Variants in DOCK3 observed in about 807,000 individuals in gnomAD.
The protein encoded by DOCK3 is dedicator of cytokinesis protein 3.
Under a neutral mutation model 265.6 loss-of-function variants are expected in DOCK3, and 60 were observed. The ratio of observed to expected loss-of-function variants is 0.23; its 90% CI spans 0.18 to 0.28. The LOEUF (loss-of-function observed/expected upper bound fraction) is 0.28, where lower values mean the gene tolerates loss of function less well. DOCK3 is among the 10% of genes least tolerant of loss of function. DOCK3 has a pLI of 1.00. For missense variants in DOCK3, 1,981 were observed against 2,594.3 expected, an observed-to-expected ratio of 0.76 and a Z score of 5.14; for synonymous variants, 881 against 938.0, an observed-to-expected ratio of 0.94 and a Z score of 1.11.
chr3:50,846,902 T>C (rs534414246), intron 3 of DOCK3, among the ~76,000 whole-genome samples: 4 of 152,300 alleles, frequency 2.6e-5, no homozygotes, highest in Admixed American at 2.6e-4. Flanking sequence ...TTGGATCTTT[T>C]CTCTTTTTTC....
intron 5 of DOCK3, among the ~76,000 whole-genome samples, chr3:51,016,138 T>C (rs1575770751): frequency 5.5e-5 from 1 of 18,200 alleles, no homozygotes; most frequent in South Asian, 2.8e-3. Context: ...TATCATATAT[T>C]TCTACATATG....
intron 12 of DOCK3, among the ~76,000 whole-genome samples, chr3:51,205,455 G>A (rs2089138232): frequency 6.6e-6 from 1 of 151,888 alleles, no homozygotes; most frequent in Non-Finnish European, 1.5e-5. Context: ...AGCACTTTGA[G>A]GGCTAAGGCG....
intron 12 of DOCK3, among the ~76,000 whole-genome samples, chr3:51,197,990 C>G (rs192650884): frequency 6.6e-6 from 1 of 152,224 alleles, no homozygotes; most frequent in Non-Finnish European, 1.5e-5. Flanking sequence ...TCAGCACCAA[C>G]AGCTTCACCC....
chr3:51,311,922 A>T, intron 28 of DOCK3, 82 bp from the exon 29 acceptor site: 1 of 980,108 alleles, frequency 1.0e-6, no homozygotes, highest in Non-Finnish European at 1.5e-6. Context: ...GTTTGCACAC[A>T]GGCTATAGAC....
At chr3:50,786,401 T>C (rs920081338) in intron 2 of DOCK3, among the ~76,000 whole-genome samples, 2 of 152,240 alleles carry the variant, frequency 1.3e-5, no homozygotes, top group African/African-American at 4.8e-5. Context: ...GGTCGTCTTC[T>C]TGTTTATTTC....
intron 7 of DOCK3, among the ~76,000 whole-genome samples, chr3:51,080,538 G>T (rs1246618659): frequency 2.0e-5 from 3 of 152,166 alleles, no homozygotes; most frequent in Admixed American, 1.3e-4. Flanking sequence ...CCCTGAAAGA[G>T]GTTCCAGAAT....
chr3:50,834,283 C>T (rs1349372704), intron 2 of DOCK3, among the ~76,000 whole-genome samples: 1 of 151,874 alleles, frequency 6.6e-6, no homozygotes, highest in African/African-American at 2.4e-5. Context: ...AGGATCTAAA[C>T]AAGAAAACAA....
intron 2 of DOCK3, among the ~76,000 whole-genome samples, chr3:50,819,928 C>G (rs1236633162): frequency 6.6e-6 from 1 of 152,176 alleles, no homozygotes; most frequent in Non-Finnish European, 1.5e-5. Context: ...CATCACTGCA[C>G]TCTAACTTGG....
At chr3:51,329,295 A>C (rs970250489) in intron 32 of DOCK3, among the ~76,000 whole-genome samples, 1 of 152,152 alleles carries the variant, frequency 6.6e-6, no homozygotes, top group African/African-American at 2.4e-5. Context: ...TCTGAGGCCT[A>C]ATACCTAGGT....
intron 14 of DOCK3, among the ~76,000 whole-genome samples, chr3:51,218,437 C>T (rs989001339): frequency 3.3e-5 from 5 of 152,174 alleles, no homozygotes; most frequent in South Asian, 2.1e-4. Context: ...TGTCTCAAAA[C>T]CAAAACCAAA....
At chr3:50,927,580 A>G (rs2050826941) in intron 4 of DOCK3, among the ~76,000 whole-genome samples, 1 of 152,218 alleles carries the variant, frequency 6.6e-6, no homozygotes, top group Admixed American at 6.5e-5. Context: ...CAAAATAAAA[A>G]TAAGTACTAC....
At chr3:51,081,126 G>A (rs998040218) in intron 7 of DOCK3, among the ~76,000 whole-genome samples, 1 of 151,902 alleles carries the variant, frequency 6.6e-6, no homozygotes, top group Non-Finnish European at 1.5e-5. Flanking sequence ...AAATATAGCT[G>A]GTCAGACACA....
chr3:51,052,394 G>A (rs933588939), intron 5 of DOCK3, among the ~76,000 whole-genome samples: 3 of 152,102 alleles, frequency 2.0e-5, no homozygotes, highest in Non-Finnish European at 2.9e-5. Flanking sequence ...CAGCTACTTA[G>A]GATGCTGAGG....
chr3:51,362,146 C>T, intron 48 of DOCK3, 149 bp downstream of exon 48: 1 of 1,067,342 alleles, frequency 9.4e-7, no homozygotes, highest in Non-Finnish European at 1.3e-6. Context: ...TAGAAAGCTG[C>T]CGTTCCTCCA....
intron 27 of DOCK3, among the ~76,000 whole-genome samples, chr3:51,283,882 C>T (rs545606587): frequency 6.6e-6 from 1 of 152,298 alleles, no homozygotes; most frequent in African/African-American, 2.4e-5. Flanking sequence ...GCTTGATCCT[C>T]CTGAAACAGT....
rs57560989 is a variant in DOCK3 at position 51,324,548 on chromosome 3, A to G, written c.3403-5590A>G. The stretch of plus-strand genomic sequence containing the variant: ...TCAAGCTACCGTTGACTTTCTTCAC[A>G]GAATTAGAAAAAAACTACTTTAAAT... On this transcript the variant is annotated intron_variant, in intron 32 of 52. Transcript: ENST00000266037. 7.4e-3 allele frequency among the ~76,000 whole-genome samples: 1,132 copies of G among 152,356 alleles called. 15 individuals carry two copies. The highest frequency in any genetic ancestry group is 0.026 in the African/African-American group (1,086 of 41,578).
At chr3:51,348,766 T>C (rs777980637) in intron 38 of DOCK3, 86 bp from the exon 39 acceptor site, 46 of 1,368,782 alleles carry the variant, frequency 3.4e-5, no homozygotes, top group Non-Finnish European at 4.6e-5. Context: ...GGAGACCTTT[T>C]GTTGTGTGTC....
chr3:51,228,614 A>C, intron 17 of DOCK3, 47 bp from the exon 18 acceptor site: 1 of 1,565,148 alleles, frequency 6.4e-7, no homozygotes, highest in East Asian at 2.3e-5. Context: ...TGGTTTTTGC[A>C]TGTTGCATGG....
chr3:50,911,977 T>A (rs2049877024), intron 4 of DOCK3, among the ~76,000 whole-genome samples: 1 of 152,102 alleles, frequency 6.6e-6, no homozygotes, highest in African/African-American at 2.4e-5. Context: ...TTCTGCTAGT[T>A]TGTTGTTGGT....
Sources: allele counts gnomAD v4.1 joint callset (sites outside exome capture counted in the v4.1 genomes callset), GRCh38; gene constraint gnomAD v4.1.1; transcripts MANE v1.5; gene names NCBI Gene and HGNC (gene_info 2026-07-23, HGNC 2026-07-21).